Variants in HIVEP3 observed in about 807,000 individuals in gnomAD.
HIVEP3 encodes the protein HIVEP zinc finger 3.
A neutral mutation model predicts 152.8 loss-of-function variants in HIVEP3; 49 were observed. That is an observed-to-expected ratio of 0.32 (90% CI 0.26 to 0.41). HIVEP3 has a LOEUF of 0.41. Among genes scored for constraint, HIVEP3 ranks in the 10% least tolerant of loss-of-function variants. The probability of loss-of-function intolerance (pLI) is 1.00; values close to 1 mark genes in which losing one functional copy is unlikely to be tolerated. For missense variants in HIVEP3, 2,790 were observed against 3,103.3 expected (o/e 0.90, Z 2.40); for synonymous variants, 1,269 against 1,289.0 (o/e 0.98, Z 0.33).
chr1:41,984,844 A>C (rs1311540525), intron 1 of HIVEP3, among the ~76,000 whole-genome samples: 18 of 152,210 alleles, frequency 1.2e-4, no homozygotes, highest in Non-Finnish European at 8.8e-5. Flanking sequence ...CCACAGAACA[A>C]AACAAATGAG....
chr1:41,513,170 T>G lies in HIVEP3; in HGVS notation c.6051A>C (p.Pro2017=), dbSNP rs1443941375. The G allele has an allele frequency of 2.5e-6, 4 of 1,613,730 alleles. No homozygotes were observed. Among genetic ancestry groups the G allele is most frequent in the African/African-American group, 2.7e-5 (2 of 74,930 alleles). The part of the protein sequence containing the change: ...APSPPGLHVD[P]GRGMGALPCG... ...AAGGGAGAGCGCCCATGCCCCTTCC[T>G]GGGTCCACGTGCAGGCCAGGTGGGC... is the stretch of plus-strand genomic sequence containing the variant. The change falls in exon 8 of 9, where the codon CCA becomes CCC. Residue 2017 remains proline, a synonymous_variant. Coordinates refer to ENST00000372583, the MANE Select transcript of HIVEP3 (RefSeq NM_024503.5).
intron 5 of HIVEP3, among the ~76,000 whole-genome samples, chr1:41,534,695 G>A (rs1049612355): frequency 2.0e-5 from 3 of 152,216 alleles, no homozygotes; most frequent in East Asian, 3.8e-4. Context: ...AGAGACCAGC[G>A]AGGCCTTCTT....
intron 5 of HIVEP3, among the ~76,000 whole-genome samples, chr1:41,536,707 A>T (rs1192040415): frequency 6.6e-6 from 1 of 152,168 alleles, no homozygotes; most frequent in Non-Finnish European, 1.5e-5. Flanking sequence ...AGATTTTTAA[A>T]AAAAAACTAA....
chr1:41,936,658 T>C (rs1645021685), intron 1 of HIVEP3, among the ~76,000 whole-genome samples: 1 of 152,232 alleles, frequency 6.6e-6, no homozygotes, highest in Non-Finnish European at 1.5e-5. Flanking sequence ...TTCCTGATGA[T>C]GCACAAATAC....
rs567120573 is a variant in HIVEP3 at position 41,618,349 on chromosome 1, G to T, written c.-522+10400C>A. ...CCAAGCCTTGTTCCTTCCTGCCTAA[G>T]CATGTCCATCTGAAAATGCTGAAAA... On this transcript the variant is annotated intron_variant, in intron 3 of 8. Transcript: ENST00000372583. Among the ~76,000 whole-genome samples, 3 of 152,330 alleles carry T rather than the reference G, an allele frequency of 2.0e-5. No homozygotes were observed. In the South Asian group the frequency reaches 6.2e-4, roughly 32 times the overall value.
intron 5 of HIVEP3, among the ~76,000 whole-genome samples, chr1:41,537,855 C>T (rs1325915986): frequency 1.3e-5 from 2 of 152,182 alleles, no homozygotes; most frequent in East Asian, 1.9e-4. Flanking sequence ...TTCCACGGCA[C>T]GCAGGCACAG....
intron 3 of HIVEP3, among the ~76,000 whole-genome samples, chr1:41,592,172 G>A (rs1410714500): frequency 6.6e-6 from 1 of 152,174 alleles, no homozygotes; most frequent in African/African-American, 2.4e-5. Context: ...TGGTCTGTGG[G>A]TTTCTTCCAG....
chr1:41,656,709 C>A (rs183578226), intron 2 of HIVEP3, among the ~76,000 whole-genome samples: 13 of 152,336 alleles, frequency 8.5e-5, no homozygotes, highest in Admixed American at 7.8e-4. Context: ...CTAACACTCA[C>A]AGTGCCCTGA....
At chr1:41,755,891 T>C (rs751647784) in intron 1 of HIVEP3, among the ~76,000 whole-genome samples, 71 of 152,218 alleles carry the variant, frequency 4.7e-4, no homozygotes, top group Non-Finnish European at 5.9e-4. Context: ...TAAAATGATA[T>C]AGCTACACTG....
intron 1 of HIVEP3, among the ~76,000 whole-genome samples, chr1:41,733,286 G>T (rs1161141615): frequency 6.6e-6 from 1 of 152,176 alleles, no homozygotes; most frequent in African/African-American, 2.4e-5. Flanking sequence ...GATGTCCTTG[G>T]ATTCTGAAAC....
intron 1 of HIVEP3, among the ~76,000 whole-genome samples, chr1:41,859,530 G>A (rs1643861173): frequency 6.6e-6 from 1 of 152,166 alleles, no homozygotes; most frequent in South Asian, 2.1e-4. Flanking sequence ...GGGCTCTGGA[G>A]ACAGATTGCC....
intron 3 of HIVEP3, among the ~76,000 whole-genome samples, chr1:41,592,904 C>T (rs1644607934): frequency 6.6e-6 from 1 of 152,218 alleles, no homozygotes; most frequent in Non-Finnish European, 1.5e-5. Context: ...GCCTCCTGGA[C>T]ACCGGCTTCT....
At chr1:41,885,898 A>G (rs1483436711) in intron 1 of HIVEP3, among the ~76,000 whole-genome samples, 1 of 151,810 alleles carries the variant, frequency 6.6e-6, no homozygotes, top group Non-Finnish European at 1.5e-5. Flanking sequence ...TGATAATTCT[A>G]TAAAATGGAT....
chr1:41,838,111 TA>T, intron 1 of HIVEP3, among the ~76,000 whole-genome samples: 1 of 152,204 alleles, frequency 6.6e-6, no homozygotes, highest in Non-Finnish European at 1.5e-5. Flanking sequence ...AGGACTTATA[TA>T]TATATTTTAA....
At chr1:41,698,914 CTT>C (rs1558189754) in intron 2 of HIVEP3, among the ~76,000 whole-genome samples, 1 of 152,188 alleles carries the variant, frequency 6.6e-6, no homozygotes, top group Non-Finnish European at 1.5e-5. Flanking sequence ...CAAACTTGCT[CTT>C]GTTTGGGCCC....
chr1:41,537,901 G>A (rs1172980593), intron 5 of HIVEP3, among the ~76,000 whole-genome samples: 1 of 152,228 alleles, frequency 6.6e-6, no homozygotes, highest in Non-Finnish European at 1.5e-5. Context: ...AAACAGCGAC[G>A]TGAGCTGCAA....
intron 1 of HIVEP3, among the ~76,000 whole-genome samples, chr1:41,716,278 TC>T (rs763215622): frequency 6.6e-6 from 1 of 152,086 alleles, no homozygotes; most frequent in African/African-American, 2.4e-5. Flanking sequence ...TGGGCAAAAG[TC>T]CCAGCCAGAG....
chr1:41,701,445 T>C (rs556137854), intron 1 of HIVEP3, among the ~76,000 whole-genome samples: 12 of 152,296 alleles, frequency 7.9e-5, no homozygotes, highest in African/African-American at 2.9e-4. Flanking sequence ...AGAGATGAAG[T>C]CTCTGAGTGT....
At chr1:41,694,336 A>C (rs904029137) in intron 2 of HIVEP3, among the ~76,000 whole-genome samples, 1 of 152,022 alleles carries the variant, frequency 6.6e-6, no homozygotes, top group Admixed American at 6.6e-5. Flanking sequence ...TTTTACCCAA[A>C]ATTATAATTA....
Sources: allele counts gnomAD v4.1 joint callset (sites outside exome capture counted in the v4.1 genomes callset), GRCh38; gene constraint gnomAD v4.1.1; transcripts MANE v1.5; gene names NCBI Gene and HGNC (gene_info 2026-07-23, HGNC 2026-07-21).